Variants in UBE2E2 observed in about 807,000 individuals in gnomAD.
UBE2E2 encodes the protein ubiquitin-conjugating enzyme E2 E2.
Under a neutral mutation model 24.7 loss-of-function variants are expected in UBE2E2, and 6 were observed. The observed-to-expected ratio is 0.24, with a 90% CI of 0.13 to 0.48. The LOEUF is 0.48. Ranked by LOEUF, UBE2E2 falls within the 20% of genes least tolerant of loss-of-function variation. UBE2E2 has a pLI of 0.99. For missense variants in UBE2E2, 169 were observed against 245.0 expected (o/e 0.69, Z 2.07); for synonymous variants, 104 against 83.6 (o/e 1.24, Z -1.33).
At chr3:23,485,668 A>C (rs146280007) in intron 3 of UBE2E2, among the ~76,000 whole-genome samples, 4 of 152,346 alleles carry the variant, frequency 2.6e-5, no homozygotes, top group African/African-American at 9.6e-5. Context: ...CGCTGCCTTC[A>C]GATGTTATAG....
intron 3 of UBE2E2, among the ~76,000 whole-genome samples, chr3:23,343,399 A>C (rs1409020950): frequency 6.6e-6 from 1 of 152,006 alleles, no homozygotes; most frequent in East Asian, 1.9e-4. Context: ...AACATGATGA[A>C]GCCACATCTC....
chr3:23,357,561 T>A (rs946108943), intron 3 of UBE2E2, among the ~76,000 whole-genome samples: 1 of 152,226 alleles, frequency 6.6e-6, no homozygotes, highest in South Asian at 2.1e-4. Flanking sequence ...TGTGGAATTA[T>A]GTTCCCAAGA....
chr3:23,555,226 A>C (rs1695749902), intron 5 of UBE2E2, among the ~76,000 whole-genome samples: 1 of 152,136 alleles, frequency 6.6e-6, no homozygotes, highest in Non-Finnish European at 1.5e-5. Context: ...GGTCCTGAAT[A>C]GACATTTATC....
chr3:23,542,379 TA>T (rs1264768888), intron 5 of UBE2E2, among the ~76,000 whole-genome samples: 4 of 152,320 alleles, frequency 2.6e-5, no homozygotes, highest in Admixed American at 1.3e-4. Flanking sequence ...TCCAATTTGG[TA>T]AAAGTTTGTA....
intron 3 of UBE2E2, among the ~76,000 whole-genome samples, chr3:23,483,438 C>T (rs936619829): frequency 4.6e-5 from 7 of 152,186 alleles, no homozygotes; most frequent in Admixed American, 2.0e-4. Flanking sequence ...TAACTTCACA[C>T]GGTAAAAAGT....
intron 3 of UBE2E2, among the ~76,000 whole-genome samples, chr3:23,427,833 C>A (rs1299237626): frequency 7.9e-5 from 12 of 152,184 alleles, no homozygotes; most frequent in Admixed American, 6.5e-4. Context: ...AGGGGCATTA[C>A]ATAATGGTAA....
intron 4 of UBE2E2, 140 bp from the exon 5 acceptor site, chr3:23,532,414 A>G: frequency 1.6e-6 from 1 of 638,436 alleles, no homozygotes; most frequent in Non-Finnish European, 2.3e-6. Context: ...TGTGCCCAAG[A>G]AAAAAATCAA....
At chr3:23,413,782 A>T (rs1038924277) in intron 3 of UBE2E2, among the ~76,000 whole-genome samples, 1 of 152,096 alleles carries the variant, frequency 6.6e-6, no homozygotes, top group Non-Finnish European at 1.5e-5. Context: ...AAGGTCAGGG[A>T]TGCTCCCAGG....
In UBE2E2 at chr3:23,583,485, T is replaced by C. The variant is rs1696535805; in HGVS notation, c.509-6249T>C. ...GTGAAGAATGTCATTGGTAGTTTGA[T>C]AGAAATAGCGTTGCACCTGTAAATT... On this transcript the variant is annotated intron_variant, in intron 5 of 5. Transcript: ENST00000396703. The surrounding 1 kb of genome is among the most constrained non-coding windows in gnomAD (Gnocchi z 4.1). Among the ~76,000 whole-genome samples the C allele has an allele frequency of 1.3e-5, 2 of 152,238 alleles. No homozygotes were observed. Among genetic ancestry groups the C allele is most frequent in the Admixed American group, 6.5e-5 (1 of 15,286 alleles).
rs1042747543 is a variant in UBE2E2 at position 23,407,478 on chromosome 3, A to C, written c.228-92130A>C. Among the ~76,000 whole-genome samples the C allele has an allele frequency of 1.3e-5, 2 of 152,124 alleles. No homozygotes were observed. Among genetic ancestry groups the C allele is most frequent in the African/African-American group, 2.4e-5 (1 of 41,426 alleles). On this transcript the variant is annotated intron_variant, in intron 3 of 5. Coordinates refer to ENST00000396703, the MANE Select transcript of UBE2E2 (RefSeq NM_152653.4). This position sits in a 1 kb window ranked among gnomAD's most constrained non-coding sequence, Gnocchi z 4.0. Reference sequence around the variant, plus strand: ...TAATTCTGAAAATGTTCAAACATACACAAATGTAAAGAATTGATCCCCTGC... The same window carrying C: ...TAATTCTGAAAATGTTCAAACATACCCAAATGTAAAGAATTGATCCCCTGC...
chr3:23,305,842 G>A (rs1282713010), intron 3 of UBE2E2, among the ~76,000 whole-genome samples: 1 of 152,116 alleles, frequency 6.6e-6, no homozygotes, highest in Non-Finnish European at 1.5e-5. Flanking sequence ...CTCTCCTCTT[G>A]CCTTAGCTTC....
intron 3 of UBE2E2, among the ~76,000 whole-genome samples, chr3:23,302,955 C>G (rs553393611): frequency 9.2e-5 from 14 of 152,254 alleles, no homozygotes; most frequent in South Asian, 2.1e-4. Flanking sequence ...GTCCCCAGTT[C>G]CCATGACACA....
chr3:23,572,852 G>A lies in UBE2E2; in HGVS notation c.509-16882G>A, dbSNP rs973861756. Among the ~76,000 whole-genome samples the A allele has an allele frequency of 2.0e-5, 3 of 152,272 alleles. 1 individual carries two copies. The highest frequency in any genetic ancestry group is 4.1e-4 in the South Asian group (2 of 4,824). The stretch of plus-strand genomic sequence containing the variant: ...ATAGCGCTGCAGTGAATGTACAAGT[G>A]CAAGTGTCTTTTTGGTAGAACAATC... On this transcript the variant is annotated intron_variant, in intron 5 of 5. Coordinates refer to ENST00000396703, the MANE Select transcript of UBE2E2 (RefSeq NM_152653.4).
intron 3 of UBE2E2, among the ~76,000 whole-genome samples, chr3:23,246,546 A>AT (rs1322407614): frequency 4.7e-4 from 72 of 151,642 alleles, no homozygotes; most frequent in African/African-American, 1.5e-3. Context: ...TGCCTGGCTA[A>AT]TTTTTTTAAA....
intron 3 of UBE2E2, among the ~76,000 whole-genome samples, chr3:23,432,035 C>G (rs1192723895): frequency 6.6e-6 from 1 of 152,166 alleles, no homozygotes; most frequent in Non-Finnish European, 1.5e-5. Flanking sequence ...AGTCATCACA[C>G]TGTAATGTAC....
At chr3:23,363,864 A>G (rs967548604) in intron 3 of UBE2E2, among the ~76,000 whole-genome samples, 2 of 152,070 alleles carry the variant, frequency 1.3e-5, no homozygotes, top group African/African-American at 2.4e-5. Context: ...TGCACATGGC[A>G]TGTACTCTAA....
intron 3 of UBE2E2, among the ~76,000 whole-genome samples, chr3:23,270,500 C>G (rs773943564): frequency 6.6e-6 from 1 of 152,018 alleles, no homozygotes; most frequent in Admixed American, 6.5e-5. Flanking sequence ...ACAGATAAAC[C>G]CTGGGGCCCT....
intron 3 of UBE2E2, among the ~76,000 whole-genome samples, chr3:23,352,718 G>A (rs896302894): frequency 1.1e-4 from 17 of 152,200 alleles, no homozygotes; most frequent in African/African-American, 2.2e-4. Flanking sequence ...CCAATAACAG[G>A]CTCTGAAATT....
chr3:23,490,230 C>G (rs1699467992), intron 3 of UBE2E2, among the ~76,000 whole-genome samples: 1 of 152,118 alleles, frequency 6.6e-6, no homozygotes, highest in African/African-American at 2.4e-5. Context: ...TTCTAACAAC[C>G]TATGTATATA....
Sources: allele counts gnomAD v4.1 joint callset (sites outside exome capture counted in the v4.1 genomes callset), GRCh38; gene constraint gnomAD v4.1.1; non-coding constraint Gnocchi (gnomAD v3.1); transcripts MANE v1.5; gene names NCBI Gene and HGNC (gene_info 2026-07-23, HGNC 2026-07-21).